SLC12A4: variants seen among roughly 807,000 people sequenced by gnomAD.
SLC12A4 encodes the protein electroneutral potassium-chloride cotransporter 1.
In SLC12A4, 84 loss-of-function variants were observed where a neutral mutation model predicts 119.2. That is an observed-to-expected ratio of 0.70 (90% CI 0.59 to 0.85). The LOEUF (loss-of-function observed/expected upper bound fraction) is 0.85, where lower values mean the gene tolerates loss of function less well. SLC12A4 is among the 40% of genes least tolerant of loss of function. The probability of loss-of-function intolerance (pLI) is 0.00; values close to 1 mark genes in which losing one functional copy is unlikely to be tolerated. For synonymous variants in SLC12A4, 599 were observed against 604.6 expected, an observed-to-expected ratio of 0.99 and a Z score of 0.14; for missense variants, 1,298 against 1,476.3, an observed-to-expected ratio of 0.88 and a Z score of 1.98.
chr16:67,961,933 C>A (rs1161006067), intron 2 of SLC12A4, among the ~76,000 whole-genome samples: 1 of 152,232 alleles, frequency 6.6e-6, no homozygotes, highest in Non-Finnish European at 1.5e-5. Flanking sequence ...CTCTACCCCG[C>A]CTTGGCTACA....
intron 3 of SLC12A4, 146 bp from the exon 4 acceptor site, chr16:67,958,190 G>C: frequency 2.7e-6 from 2 of 749,476 alleles, no homozygotes; most frequent in Non-Finnish European, 4.3e-6. Flanking sequence ...TGTCTCTATT[G>C]ACTTTCATAT....
rs1035232890 is a variant in SLC12A4 at position 67,968,292 on chromosome 16, G to C, written c.115+147C>G. 3 of 675,848 alleles carry C rather than the reference G, an allele frequency of 4.4e-6. No individual in the cohort carries two copies. In the African/African-American group the frequency reaches 5.7e-5, roughly 13 times the overall value. The allele number at this position is 675,848 out of a possible 1,614,324, so 41.9% of individuals were successfully genotyped here. On this transcript the variant is annotated intron_variant, in intron 1 of 23. Coordinates refer to ENST00000316341, the MANE Select transcript of SLC12A4 (RefSeq NM_005072.5). ...TCTGCGCGCGCAGGGCGGGGAGCCA[G>C]TGGCAGCGGCGCGGTCCAAAAAAAG...
In SLC12A4 at chr16:67,951,244, G is replaced by A; in HGVS notation, c.1193C>T (p.Ser398Phe). ...CTCCTTCAGGCTCGGGGCATCTGCG[G>A]AGGGCAGCCCATGCTTCTCCACGAT... ...GDIVEKHGLP[S>F]ADAPSLKESL... The change falls in exon 9 of 24, where the codon TCC becomes TTC. Residue 398 changes from serine to phenylalanine, a missense_variant. Ser to Phe is a radical substitution (Grantham distance 155). Coordinates refer to ENST00000316341, the MANE Select transcript of SLC12A4 (RefSeq NM_005072.5). The surrounding 1 kb of genome is among the most constrained non-coding windows in gnomAD (Gnocchi z 5.2). The A allele has an allele frequency of 6.2e-7, 1 of 1,614,094 alleles. No individual in the cohort carries two copies. Among genetic ancestry groups the A allele is most frequent in the Non-Finnish European group, 8.5e-7 (1 of 1,179,986 alleles).
chr16:67,947,962 C>G (rs2058371171), intron 14 of SLC12A4, 99 bp downstream of exon 14: 1 of 1,487,044 alleles, frequency 6.7e-7, no homozygotes, highest in African/African-American at 1.4e-5. Context: ...TCTCCCTCCC[C>G]ACAGTGTTTC....
Position 67,954,751 on chromosome 16 carries a change from G to A in SLC12A4, c.567C>T (p.Ile189=), listed in dbSNP as rs764145749. The A allele has an allele frequency of 6.2e-6, 10 of 1,614,132 alleles. No individual in the cohort carries two copies. The South Asian group carries it at 9.9e-5, about 16-fold the overall frequency. Residue 189 remains isoleucine, a synonymous_variant, in exon 6 of 24, where the codon ATC becomes ATT. Coordinates refer to ENST00000316341, the MANE Select transcript of SLC12A4 (RefSeq NM_005072.5). ...CAAATTCTGGCCCCAGTGAACGAGAGATCATGAAATAGGAGCCCCCAGCTA... is the reference window on the plus strand; with the variant it reads ...CAAATTCTGGCCCCAGTGAACGAGAAATCATGAAATAGGAGCCCCCAGCTA... The part of the protein sequence containing the change: ...VVPAGGSYFM[I]SRSLGPEFGG...
At position 67,950,222 on chromosome 16, in the gene SLC12A4, A is replaced by C; in HGVS notation, c.1629+97T>G. The stretch of plus-strand genomic sequence containing the variant: ...GGCCGCCTGGCCCCGGGGGCCAATA[A>C]GGGCAGGACGTGCTGCATCTGTGTT... On this transcript the variant is annotated intron_variant, in intron 12 of 23. Transcript: ENST00000316341. The surrounding 1 kb of genome is among the most constrained non-coding windows in gnomAD (Gnocchi z 4.3). 1 of 1,433,728 alleles carries C rather than the reference A, an allele frequency of 7.0e-7. No individual in the cohort carries two copies. Among genetic ancestry groups the C allele is most frequent in the Non-Finnish European group, 9.4e-7 (1 of 1,060,726 alleles). 88.8% of individuals were successfully genotyped at this position (1,433,728 alleles called of 1,614,324 possible).
At chr16:67,960,698 C>T (rs1444261373) in intron 3 of SLC12A4, among the ~76,000 whole-genome samples, 1 of 151,512 alleles carries the variant, frequency 6.6e-6, no homozygotes, top group Non-Finnish European at 1.5e-5. Flanking sequence ...GGGTCCCTAG[C>T]CTCCAAATGA....
Position 67,950,603 on chromosome 16 carries a change from G to T in SLC12A4, c.1454+51C>A. ...CCCACGGGGTTGGGAGCTGGTGTGA[G>T]GGCAGGCCAAAGCCCAGCCGCTGCT... On this transcript the variant is annotated intron_variant, in intron 11 of 23. Transcript: ENST00000316341. This position sits in a 1 kb window ranked among gnomAD's most constrained non-coding sequence, Gnocchi z 4.3. 6.2e-7 allele frequency: 1 copy of T among 1,607,502 alleles called. No homozygotes were observed. The highest frequency in any genetic ancestry group is 2.2e-5 in the East Asian group (1 of 44,492).
In SLC12A4 at chr16:67,952,006, G is replaced by A. The variant is rs139395931; in HGVS notation, c.949C>T (p.Arg317Trp). Residue 317 changes from arginine to tryptophan, a missense_variant, in exon 8 of 24, where the codon CGG (arginine) becomes TGG (tryptophan). Transcript: ENST00000316341. ...TTGGCACAGATGTCAAACTGGTCCC[G>A]GGACAGGGTCCTGTTGCCCAGCATG... ...VCMLGNRTLS[R>W]DQFDICAKTA... The A allele has an allele frequency of 5.1e-5, 82 of 1,613,914 alleles. No individual in the cohort carries two copies. The highest frequency in any genetic ancestry group is 6.4e-5 in the Non-Finnish European group (75 of 1,180,020).
chr16:67,945,999 G>C lies in SLC12A4; in HGVS notation c.2691C>G (p.Val897=). The C allele has an allele frequency of 6.2e-7, 1 of 1,614,136 alleles. No homozygotes were observed. Among genetic ancestry groups the C allele is most frequent in the Non-Finnish European group, 8.5e-7 (1 of 1,180,024 alleles). ...NSIQMKKDLA[V]FLYHLRLEAE... ...CCTCAAGGCGCAGATGGTACAGAAAGACAGCCAGGTCCTTCTTCATCTGGA... is the reference window on the plus strand; with the variant it reads ...CCTCAAGGCGCAGATGGTACAGAAACACAGCCAGGTCCTTCTTCATCTGGA... The change falls in exon 20 of 24, where the codon GTC becomes GTG. Residue 897 remains valine, a synonymous_variant. Coordinates refer to ENST00000316341, the MANE Select transcript of SLC12A4 (RefSeq NM_005072.5).
At position 67,945,026 on chromosome 16, in the gene SLC12A4, C is replaced by A. The variant is rs190617587; in HGVS notation, c.3166+61G>T. On this transcript the variant is annotated intron_variant, in intron 23 of 23. Transcript: ENST00000316341. ...ACCCAGGGGTGCCCAGGAGAGAAGCCGCTGGCTTGACCTCCCATGCTATCC... is the reference window on the plus strand; with the variant it reads ...ACCCAGGGGTGCCCAGGAGAGAAGCAGCTGGCTTGACCTCCCATGCTATCC... 561 of 1,596,540 alleles carry A rather than the reference C, an allele frequency of 3.5e-4. 8 individuals are homozygous for A. In the Admixed American group the frequency reaches 9.5e-3, roughly 27 times the overall value.
chr16:67,950,309 AG>A lies in SLC12A4; in HGVS notation c.1629+9del, dbSNP rs2058399456. ...GCAGCCAGGCCATGGGGGAGTGCAGAGGGGCTCACCCGGAGGAAGGGGATGA... is the reference window on the plus strand; with the variant it reads ...GCAGCCAGGCCATGGGGGAGTGCAGAGGGCTCACCCGGAGGAAGGGGATGA... On this transcript the variant is annotated intron_variant, in intron 12 of 23. Transcript: ENST00000316341. This position sits in a 1 kb window ranked among gnomAD's most constrained non-coding sequence, Gnocchi z 4.3. 6.2e-7 allele frequency: 1 copy of A among 1,612,984 alleles called. No individual in the cohort carries two copies. Among genetic ancestry groups the A allele is most frequent in the Non-Finnish European group, 8.5e-7 (1 of 1,179,662 alleles).
At chr16:67,963,669 G>A (rs1045112668) in intron 1 of SLC12A4, 110 bp from the exon 2 acceptor site, 3 of 879,598 alleles carry the variant, frequency 3.4e-6, no homozygotes, top group Non-Finnish European at 3.4e-6. Flanking sequence ...TGGAGCTGCA[G>A]TGTCACCAGG....
chr16:67,946,689 T>C, intron 17 of SLC12A4, 56 bp from the exon 18 acceptor site: 1 of 1,558,906 alleles, frequency 6.4e-7, no homozygotes, highest in South Asian at 1.2e-5. Context: ...GCCTCTGGGC[T>C]CCCTCCCAAG....
chr16:67,945,705 C>A, intron 21 of SLC12A4, 59 bp downstream of exon 21: 1 of 1,539,356 alleles, frequency 6.5e-7, no homozygotes. Flanking sequence ...CCCACCGATG[C>A]GGTCTCCAAA....
chr16:67,949,527 C>T lies in SLC12A4; in HGVS notation c.1748+273G>A, dbSNP rs536275443. 20 of 343,676 alleles carry T rather than the reference C, an allele frequency of 5.8e-5. No individual in the cohort carries two copies. The highest frequency in any genetic ancestry group is 3.0e-4 in the African/African-American group (14 of 45,944). The allele number at this position is 343,676 out of a possible 1,614,324, so 21.3% of individuals were successfully genotyped here. A position where few individuals can be genotyped will look rare whatever the true frequency, so the allele number is the denominator to read the frequency against. On this transcript the variant is annotated intron_variant, in intron 13 of 23. Transcript: ENST00000316341. The surrounding 1 kb of genome is among the most constrained non-coding windows in gnomAD (Gnocchi z 4.6). ...AGTGGCTTCATGGAGGCATGAGGGA[C>T]GCGGTGGTTGCCCTGTCCAGTGGGA...
chr16:67,945,188 G>T lies in SLC12A4; in HGVS notation c.3065C>A (p.Ala1022Asp), dbSNP rs568147394. 1 of 1,579,156 alleles carries T rather than the reference G, an allele frequency of 6.3e-7. No homozygotes were observed. Among genetic ancestry groups the T allele is most frequent in the South Asian group, 1.2e-5 (1 of 85,440 alleles). ...DQSNVRRMHT[A>D]VKLNEVIVTR... Reference sequence around the variant, plus strand: ...GACAATGACTTCATTGAGCTTCACAGCAGTGTGCATGCGCCGCACATTGGA... The same window carrying T: ...GACAATGACTTCATTGAGCTTCACATCAGTGTGCATGCGCCGCACATTGGA... The change falls in exon 23 of 24, where the codon GCT becomes GAT. Residue 1022 changes from alanine (A) to aspartate (D), a missense_variant. Ala to Asp is a moderately radical substitution (Grantham distance 126). Coordinates refer to ENST00000316341, the MANE Select transcript of SLC12A4 (RefSeq NM_005072.5).
Position 67,947,414 on chromosome 16 carries a change from G to A in SLC12A4, c.1989C>T (p.Asp663=), listed in dbSNP as rs776729660. 11 of 1,612,360 alleles carry A rather than the reference G, an allele frequency of 6.8e-6. No homozygotes were observed. The highest frequency in any genetic ancestry group is 1.1e-5 in the South Asian group (1 of 91,046). ...CGCTCAGGGACAGGCCTCGGATCCCGTCACCCCACTCCTTCTCAGCCCTGC... is the reference window on the plus strand; with the variant it reads ...CGCTCAGGGACAGGCCTCGGATCCCATCACCCCACTCCTTCTCAGCCCTGC... The part of the protein sequence containing the change: ...EYQGAEKEWG[D]GIRGLSLSAA... Residue 663 remains aspartate (D), a synonymous_variant, in exon 16 of 24, where the codon GAC becomes GAT. Coordinates refer to ENST00000316341, the MANE Select transcript of SLC12A4 (RefSeq NM_005072.5).
intron 3 of SLC12A4, 113 bp downstream of exon 3, chr16:67,961,462 G>A: frequency 6.8e-7 from 1 of 1,465,870 alleles, no homozygotes; most frequent in Non-Finnish European, 9.2e-7. Context: ...TGCTCACTAT[G>A]CTTGGCACCC....
Sources: gnomAD v4.1 joint callset for allele counts (sites outside exome capture counted in the v4.1 genomes callset) on GRCh38, gnomAD v4.1.1 for gene constraint, Gnocchi (gnomAD v3.1) non-coding constraint, MANE v1.5 for transcripts, NCBI Gene and HGNC (gene_info 2026-07-23, HGNC 2026-07-21) for gene names.